The following SNTG2 variants were observed in gnomAD, a reference collection of about 807,000 sequenced individuals.
SNTG2 encodes the protein gamma-2-syntrophin.
In SNTG2, 74 loss-of-function variants were observed where a neutral mutation model predicts 70.9. The ratio of observed to expected loss-of-function variants is 1.04; its 90% CI spans 0.86 to 1.27. The LOEUF (loss-of-function observed/expected upper bound fraction) is 1.27, where lower values mean the gene tolerates loss of function less well. Ranked by LOEUF, SNTG2 falls within the 50% of genes most tolerant of loss-of-function variation. The pLI, the probability that SNTG2 is intolerant of heterozygous loss-of-function variation, is 0.00. For synonymous variants in SNTG2, 278 were observed against 273.8 expected, an observed-to-expected ratio of 1.02 and a Z score of -0.15; for missense variants, 717 against 690.7, an observed-to-expected ratio of 1.04 and a Z score of -0.43.
At position 1,358,668 on chromosome 2, in the gene SNTG2, C is replaced by T. The variant is rs149846601; in HGVS notation, c.1489-8675C>T. Among the ~76,000 whole-genome samples, 5 of 151,938 alleles carry T rather than the reference C, an allele frequency of 3.3e-5. No individual in the cohort carries two copies. In the East Asian group the frequency reaches 9.7e-4, roughly 29 times the overall value. ...CATTTTTGTGCTTTTTCCAATTTTC[C>T]TTCTGCTATTGATTTCTAGCTTCAT... is the stretch of plus-strand genomic sequence containing the variant. On this transcript the variant is annotated intron_variant, in intron 16 of 16. Coordinates refer to ENST00000308624, the MANE Select transcript of SNTG2 (RefSeq NM_018968.4).
intron 16 of SNTG2, among the ~76,000 whole-genome samples, chr2:1,330,654 C>T (rs1659477412): frequency 6.6e-6 from 1 of 152,182 alleles, no homozygotes; most frequent in Non-Finnish European, 1.5e-5. Flanking sequence ...GTTCCACAAC[C>T]TGCTTTTTAA....
chr2:1,065,098 C>A (rs1663065792), intron 1 of SNTG2, among the ~76,000 whole-genome samples: 1 of 152,162 alleles, frequency 6.6e-6, no homozygotes, highest in African/African-American at 2.4e-5. Flanking sequence ...TCAGCTGGAG[C>A]TGTGTAGCTG....
chr2:1,308,677 G>T (rs933398187), intron 15 of SNTG2, 91 bp downstream of exon 15: 2 of 1,063,604 alleles, frequency 1.9e-6, no homozygotes, highest in Non-Finnish European at 2.8e-6. Flanking sequence ...TCTGGTAGAA[G>T]CCACCAACCT....
intron 1 of SNTG2, among the ~76,000 whole-genome samples, chr2:1,071,709 A>G (rs1056253888): frequency 6.6e-6 from 1 of 152,208 alleles, no homozygotes; most frequent in South Asian, 2.1e-4. Context: ...GAATGCTTAG[A>G]TAGGCAGAGA....
intron 1 of SNTG2, among the ~76,000 whole-genome samples, chr2:979,257 C>T (rs1213047390): frequency 6.6e-6 from 1 of 152,190 alleles, no homozygotes; most frequent in Non-Finnish European, 1.5e-5. Context: ...GTGGCTGCTT[C>T]AGGCATCAGT....
chr2:1,264,768 C>T (rs1678632622), intron 13 of SNTG2, among the ~76,000 whole-genome samples: 1 of 152,162 alleles, frequency 6.6e-6, no homozygotes, highest in Admixed American at 6.5e-5. Flanking sequence ...GCTGTGTCAT[C>T]CAGGCTGGTC....
intron 9 of SNTG2, among the ~76,000 whole-genome samples, chr2:1,225,997 C>G (rs1042562656): frequency 6.6e-5 from 10 of 150,686 alleles, no homozygotes; most frequent in Non-Finnish European, 1.5e-4. Context: ...ATTCACTACA[C>G]TGGAAAAAAG....
intron 8 of SNTG2, among the ~76,000 whole-genome samples, chr2:1,183,851 AAAG>A (rs1558504230): frequency 6.6e-6 from 1 of 152,366 alleles, no homozygotes; most frequent in East Asian, 1.9e-4. Flanking sequence ...AGCATTAAAA[AAAG>A]AGTTTTTCCA....
chr2:1,351,782 G>A (rs1455160376), intron 16 of SNTG2, among the ~76,000 whole-genome samples: 1 of 152,164 alleles, frequency 6.6e-6, no homozygotes, highest in Non-Finnish European at 1.5e-5. Context: ...CTCTGACCTG[G>A]TTGTTCCAGG....
At chr2:1,041,288 G>T (rs892606112) in intron 1 of SNTG2, among the ~76,000 whole-genome samples, 1 of 152,182 alleles carries the variant, frequency 6.6e-6, no homozygotes. Flanking sequence ...AGGAAACTTT[G>T]CTAAGCCCCA....
chr2:1,124,192 A>C (rs377140148), intron 4 of SNTG2, among the ~76,000 whole-genome samples: 2 of 152,198 alleles, frequency 1.3e-5, no homozygotes, highest in African/African-American at 4.8e-5. Flanking sequence ...TCATTATCCC[A>C]TATTGCATTC....
At chr2:1,127,697 G>A (rs1261100235) in intron 4 of SNTG2, among the ~76,000 whole-genome samples, 1 of 152,006 alleles carries the variant, frequency 6.6e-6, no homozygotes, top group Non-Finnish European at 1.5e-5. Context: ...AGGGGTGTGT[G>A]TGTATGTGTG....
rs146855815 is a variant in SNTG2 at position 1,353,200 on chromosome 2, A to T, written c.1489-14143A>T. Among the ~76,000 whole-genome samples, 672 of 152,230 alleles carry T rather than the reference A, an allele frequency of 4.4e-3. 2 individuals are homozygous for T. Among genetic ancestry groups the T allele is most frequent in the Non-Finnish European group, 8.2e-3 (555 of 68,002 alleles). The stretch of plus-strand genomic sequence containing the variant: ...AAAGGCTGCACATCAGGCCCCCTCC[A>T]TCCCCAGGACAGCCAGGTCACCTGT... On this transcript the variant is annotated intron_variant, in intron 16 of 16. Transcript: ENST00000308624. The surrounding 1 kb of genome is among the most constrained non-coding windows in gnomAD (Gnocchi z 4.2).
chr2:1,176,111 A>T (rs1671458472), intron 8 of SNTG2, among the ~76,000 whole-genome samples: 1 of 152,232 alleles, frequency 6.6e-6, no homozygotes, highest in Non-Finnish European at 1.5e-5. Context: ...CTTATCAGCA[A>T]GAGAAAGAGA....
intron 1 of SNTG2, among the ~76,000 whole-genome samples, chr2:963,459 C>T (rs1022780350): frequency 8.5e-5 from 13 of 152,084 alleles, no homozygotes; most frequent in African/African-American, 1.4e-4. Context: ...TCAGTTTCCA[C>T]GCTTTACACA....
intron 8 of SNTG2, among the ~76,000 whole-genome samples, chr2:1,176,051 G>A (rs762905392): frequency 1.8e-4 from 28 of 152,182 alleles, no homozygotes; most frequent in African/African-American, 5.3e-4. Context: ...CATGGGTAGA[G>A]TGACTAGCCT....
intron 1 of SNTG2, among the ~76,000 whole-genome samples, chr2:1,006,224 G>C (rs1275792295): frequency 6.6e-6 from 1 of 151,138 alleles, no homozygotes; most frequent in Non-Finnish European, 1.5e-5. Flanking sequence ...TGACAAGTTA[G>C]TGGGTGCAGC....
At chr2:1,046,342 A>G (rs1488016709) in intron 1 of SNTG2, among the ~76,000 whole-genome samples, 2 of 152,140 alleles carry the variant, frequency 1.3e-5, no homozygotes, top group Non-Finnish European at 2.9e-5. Context: ...TTAATGGGAC[A>G]TCAGCATGTT....
intron 1 of SNTG2, among the ~76,000 whole-genome samples, chr2:993,791 C>A (rs1200756574): frequency 6.6e-6 from 1 of 152,050 alleles, no homozygotes; most frequent in Non-Finnish European, 1.5e-5. Context: ...AGTATCTTCA[C>A]ATGTAATTAT....
Sources: allele counts gnomAD v4.1 joint callset (sites outside exome capture counted in the v4.1 genomes callset), GRCh38; gene constraint gnomAD v4.1.1; non-coding constraint Gnocchi (gnomAD v3.1); transcripts MANE v1.5; gene names NCBI Gene and HGNC (gene_info 2026-07-23, HGNC 2026-07-21).